ADCY7: variants seen among roughly 807,000 people sequenced by gnomAD.
ADCY7 encodes adenylate cyclase type 7.
ADCY7 carries 72 observed loss-of-function variants against 120.6 expected under a neutral mutation model. That is an observed-to-expected ratio of 0.60 (90% confidence interval 0.49 to 0.73). The LOEUF is 0.73. Ranked by LOEUF, ADCY7 falls within the 30% of genes least tolerant of loss-of-function variation. The pLI, the probability that ADCY7 is intolerant of heterozygous loss-of-function variation, is 0.00. For missense variants in ADCY7, 1,227 were observed against 1,486.0 expected (o/e 0.83, Z 2.87); for synonymous variants, 661 against 628.0 (o/e 1.05, Z -0.78).
At position 50,313,036 on chromosome 16, in the gene ADCY7, G is replaced by A; in HGVS notation, c.2751G>A (p.Glu917=). The A allele has an allele frequency of 6.2e-7, 1 of 1,614,142 alleles. No individual in the cohort carries two copies. The highest frequency in any genetic ancestry group is 8.5e-7 in the Non-Finnish European group (1 of 1,179,990). The change falls in exon 22 of 26, where the codon GAG becomes GAA. Residue 917 remains glutamate, a splice_region_variant and synonymous_variant. Transcript: ENST00000673801. The part of the protein sequence containing the change: ...LLNEIIADFD[E]LLLKPKFSGV... ...ATGAGATCATTGCCGACTTCGACGAGGTACAGCCTCTAGCCCAGCCTTGCG... is the reference window on the plus strand; with the variant it reads ...ATGAGATCATTGCCGACTTCGACGAAGTACAGCCTCTAGCCCAGCCTTGCG...
In ADCY7 at chr16:50,317,856, T is replaced by G. The variant is rs2151121400; in HGVS notation, c.*2351T>G. The G allele has an allele frequency of 6.6e-6, 1 of 152,330 alleles. No individual in the cohort carries two copies. The highest frequency in any genetic ancestry group is 1.5e-5 in the Non-Finnish European group (1 of 68,002). 9.4% of individuals were successfully genotyped at this position (152,330 alleles called of 1,614,324 possible). The stretch of plus-strand genomic sequence containing the variant: ...TCTCCTGAGTTAACTTTTGTGAAAA[T>G]AATACCTAAGGTTTTCTGGCTTATT... On this transcript the variant is annotated 3_prime_UTR_variant, in exon 26 of 26. Coordinates refer to ENST00000673801, the MANE Select transcript of ADCY7 (RefSeq NM_001114.5).
intron 19 of ADCY7, among the ~76,000 whole-genome samples, 178 bp downstream of exon 19, chr16:50,311,058 C>A (rs1228295621): frequency 6.6e-6 from 1 of 152,124 alleles, no homozygotes; most frequent in Non-Finnish European, 1.5e-5. Flanking sequence ...TTAGGAAGTC[C>A]CTAGTCTGAC....
At chr16:50,261,121 C>T (rs2033047263) in intron 1 of ADCY7, among the ~76,000 whole-genome samples, 1 of 152,156 alleles carries the variant, frequency 6.6e-6, no homozygotes, top group South Asian at 2.1e-4. Flanking sequence ...ACCTGAGTCT[C>T]ACACCCATTC....
At chr16:50,294,823 G>T in intron 7 of ADCY7, 72 bp downstream of exon 7, 1 of 1,060,488 alleles carries the variant, frequency 9.4e-7, no homozygotes, top group Admixed American at 2.2e-5. Context: ...GGTGTCCTGT[G>T]TTCAGTGCCC....
At position 50,311,762 on chromosome 16, in the gene ADCY7, C is replaced by T; in HGVS notation, c.2424C>T (p.Ile808=). 1.3e-6 allele frequency: 2 copies of T among 1,551,124 alleles called. No individual in the cohort carries two copies. The highest frequency in any genetic ancestry group is 1.8e-6 in the Non-Finnish European group (2 of 1,131,418). The change falls in exon 20 of 26, where the codon ATC becomes ATT. Residue 808 remains isoleucine, a synonymous_variant. Coordinates refer to ENST00000673801, the MANE Select transcript of ADCY7 (RefSeq NM_001114.5). ...MTNFYLVLFY[I]TLLTLSRQID... ...ATTTCTACCTGGTCCTGTTCTACATCACCCTGCTTACACTCTCCAGACAGG... is the reference window on the plus strand; with the variant it reads ...ATTTCTACCTGGTCCTGTTCTACATTACCCTGCTTACACTCTCCAGACAGG...
At position 50,315,947 on chromosome 16, in the gene ADCY7, T is replaced by C. The variant is rs1189893238; in HGVS notation, c.*442T>C. The stretch of plus-strand genomic sequence containing the variant: ...TCTAGCACGGATTGGAGACTCCCTC[T>C]CCCTGGTGGGCCTGGCAATGACAGC... On this transcript the variant is annotated 3_prime_UTR_variant, in exon 26 of 26. Transcript: ENST00000673801. 1 of 156,502 alleles carries C rather than the reference T, an allele frequency of 6.4e-6. No individual in the cohort carries two copies. The highest frequency in any genetic ancestry group is 1.4e-5 in the Non-Finnish European group (1 of 70,852). 9.7% of individuals were successfully genotyped at this position (156,502 alleles called of 1,614,324 possible).
intron 23 of ADCY7, 82 bp from the exon 24 acceptor site, chr16:50,314,210 C>A: frequency 6.8e-7 from 1 of 1,465,632 alleles, no homozygotes; most frequent in Non-Finnish European, 9.5e-7. Flanking sequence ...GGTGGGGATC[C>A]TCAACAAGAG....
chr16:50,286,014 C>T (rs2034558142), intron 1 of ADCY7, among the ~76,000 whole-genome samples: 1 of 152,182 alleles, frequency 6.6e-6, no homozygotes, highest in African/African-American at 2.4e-5. Flanking sequence ...CACAAAGGGG[C>T]CACTGTGTCC....
chr16:50,287,968 G>A lies in ADCY7; in HGVS notation c.-212G>A, dbSNP rs1164365396. 2.6e-5 allele frequency: 13 copies of A among 493,532 alleles called. No individual in the cohort carries two copies. The East Asian group carries it at 4.1e-4, about 16-fold the overall frequency. The allele number at this position is 493,532 out of a possible 1,614,324, so 30.6% of individuals were successfully genotyped here. A position where few individuals can be genotyped will look rare whatever the true frequency, so the allele number is the denominator to read the frequency against. On this transcript the variant is annotated 5_prime_UTR_variant, in exon 2 of 26. Transcript: ENST00000673801. Reference sequence around the variant, plus strand: ...TCTGGATGCACAGGAGGATGCTGGCGGCACAGTGAGTGAGGCCTGGTGCCA... The same window carrying A: ...TCTGGATGCACAGGAGGATGCTGGCAGCACAGTGAGTGAGGCCTGGTGCCA...
Position 50,305,488 on chromosome 16 carries a change from G to T in ADCY7, c.1596-15G>T. The T allele has an allele frequency of 6.2e-7, 1 of 1,612,072 alleles. No individual in the cohort carries two copies. Among genetic ancestry groups the T allele is most frequent in the Non-Finnish European group, 8.5e-7 (1 of 1,178,650 alleles). On this transcript the variant is annotated splice_polypyrimidine_tract_variant and intron_variant, in intron 12 of 25. Transcript: ENST00000673801. ...TGGTCGCTGTGCTGATGCAGTTGTGGGTATCTGATTCCAGAAGCATGTCCC... is the reference window on the plus strand; with the variant it reads ...TGGTCGCTGTGCTGATGCAGTTGTGTGTATCTGATTCCAGAAGCATGTCCC...
chr16:50,299,058 G>T, intron 8 of ADCY7, 27 bp downstream of exon 8: 1 of 1,596,550 alleles, frequency 6.3e-7, no homozygotes. Context: ...CCCAGGCCCT[G>T]GGTCCTGCCC....
At chr16:50,268,468 A>G (rs2150823857) in intron 1 of ADCY7, among the ~76,000 whole-genome samples, 1 of 152,242 alleles carries the variant, frequency 6.6e-6, no homozygotes, top group East Asian at 1.9e-4. Context: ...TGGAGTGGTC[A>G]TAGCTCACTG....
upstream of ADCY7, among the ~76,000 whole-genome samples, chr16:50,265,438 C>T (rs2033177242): frequency 6.6e-6 from 1 of 152,196 alleles, no homozygotes. Context: ...CTGCATGGGG[C>T]CTGGCACAGA....
chr16:50,293,310 G>A, intron 5 of ADCY7, 44 bp from the exon 6 acceptor site: 2 of 1,597,552 alleles, frequency 1.3e-6, no homozygotes, highest in Non-Finnish European at 8.6e-7. Flanking sequence ...CCCTCCGCCG[G>A]TCGCTTTGCT....
At chr16:50,310,909 C>T (rs575029335) in intron 19 of ADCY7, 29 bp downstream of exon 19, 1 of 1,546,378 alleles carries the variant, frequency 6.5e-7, no homozygotes, top group East Asian at 2.4e-5. Context: ...CCGTCCCCAT[C>T]CCCATGGTGG....
At chr16:50,285,509 T>TG (rs2034525352) in intron 1 of ADCY7, among the ~76,000 whole-genome samples, 1 of 152,196 alleles carries the variant, frequency 6.6e-6, no homozygotes, top group Non-Finnish European at 1.5e-5. Flanking sequence ...CTTTGGGGGC[T>TG]GGGGGCTCAC....
intron 21 of ADCY7, among the ~76,000 whole-genome samples, chr16:50,312,579 C>T (rs565946800): frequency 5.3e-5 from 8 of 152,284 alleles, no homozygotes; most frequent in Non-Finnish European, 7.3e-5. Context: ...AGATAGGAAA[C>T]GGAGGCCCAG....
chr16:50,308,797 G>C lies in ADCY7; in HGVS notation c.2061+5G>C. The C allele has an allele frequency of 6.2e-7, 1 of 1,603,524 alleles. No individual in the cohort carries two copies. Among genetic ancestry groups the C allele is most frequent in the Non-Finnish European group, 8.5e-7 (1 of 1,175,640 alleles). On this transcript the variant is annotated splice_donor_5th_base_variant and intron_variant, in intron 17 of 25. Transcript: ENST00000673801. ...ACTGTGGCCATCATCAACCTGGTGG[G>C]TCCCGTGGTGGGGAGGCAGGCCTCC... is the stretch of plus-strand genomic sequence containing the variant.
chr16:50,252,118 G>GC (rs1405991905), intron 1 of ADCY7, among the ~76,000 whole-genome samples: 1 of 152,280 alleles, frequency 6.6e-6, no homozygotes, highest in East Asian at 1.9e-4. Context: ...TGCAGGAGGA[G>GC]CCCCCGGGCT....
Sources: gnomAD v4.1 joint callset for allele counts (sites outside exome capture counted in the v4.1 genomes callset) on GRCh38, gnomAD v4.1.1 for gene constraint, MANE v1.5 for transcripts, NCBI Gene and HGNC (gene_info 2026-07-23, HGNC 2026-07-21) for gene names.